The following AFF3 variants were observed in gnomAD, a reference collection of about 807,000 sequenced individuals.
AFF3 encodes AF4/FMR2 family member 3.
In AFF3, 32 loss-of-function variants were observed where a neutral mutation model predicts 129.7. The ratio of observed to expected loss-of-function variants is 0.25; its 90% CI spans 0.19 to 0.33. The LOEUF (loss-of-function observed/expected upper bound fraction) is 0.33, where lower values mean the gene tolerates loss of function less well. AFF3 is among the 10% of genes least tolerant of loss of function. AFF3 has a pLI of 1.00. For synonymous variants in AFF3, 644 were observed against 635.4 expected, an observed-to-expected ratio of 1.01 and a Z score of -0.20; for missense variants, 1,373 against 1,592.0, an observed-to-expected ratio of 0.86 and a Z score of 2.34.
intron 8 of AFF3, among the ~76,000 whole-genome samples, chr2:99,775,128 T>TATA (rs1457772027): frequency 6.6e-6 from 1 of 152,242 alleles, no homozygotes; most frequent in Non-Finnish European, 1.5e-5. Flanking sequence ...GGAATGCTTT[T>TATA]ATACTGTTGG....
intron 7 of AFF3, among the ~76,000 whole-genome samples, chr2:99,997,396 A>G (rs1034173191): frequency 6.6e-6 from 1 of 152,028 alleles, no homozygotes; most frequent in African/African-American, 2.4e-5. Context: ...CTGTCAGCCA[A>G]TCTTACTGGC....
At chr2:99,828,634 G>A (rs970441285) in intron 8 of AFF3, among the ~76,000 whole-genome samples, 1 of 152,224 alleles carries the variant, frequency 6.6e-6, no homozygotes. Flanking sequence ...AAGGCTTTTG[G>A]GGAGAAACAC....
chr2:100,002,484 C>G (rs1204473725), intron 7 of AFF3, among the ~76,000 whole-genome samples: 1 of 152,188 alleles, frequency 6.6e-6, no homozygotes, highest in East Asian at 1.9e-4. Context: ...ATCAATACAT[C>G]TTAGACTATT....
chr2:99,846,470 T>C (rs1558909777), intron 7 of AFF3, among the ~76,000 whole-genome samples: 2 of 152,212 alleles, frequency 1.3e-5, no homozygotes, highest in Non-Finnish European at 2.9e-5. Flanking sequence ...ATTTATATGA[T>C]CTAATATTCT....
intron 1 of AFF3, among the ~76,000 whole-genome samples, chr2:100,135,388 C>A (rs1692596161): frequency 6.6e-6 from 1 of 152,212 alleles, no homozygotes; most frequent in Non-Finnish European, 1.5e-5. Context: ...TTAGGAGCAA[C>A]TCTTAACTGC....
chr2:99,661,060 A>G (rs1415999840), intron 12 of AFF3, among the ~76,000 whole-genome samples: 1 of 152,230 alleles, frequency 6.6e-6, no homozygotes, highest in East Asian at 1.9e-4. Flanking sequence ...ACTATATGAC[A>G]CTGCCCATGC....
intron 7 of AFF3, among the ~76,000 whole-genome samples, chr2:99,875,709 G>T (rs1436920592): frequency 6.6e-6 from 1 of 152,150 alleles, no homozygotes. Flanking sequence ...ATAAATTAGA[G>T]AAAGTTTCTA....
At chr2:99,700,928 G>A (rs978390685) in intron 11 of AFF3, among the ~76,000 whole-genome samples, 2 of 152,310 alleles carry the variant, frequency 1.3e-5, no homozygotes, top group Admixed American at 6.5e-5. Flanking sequence ...AGCGTGAGAC[G>A]GTCACGTGTA....
intron 4 of AFF3, among the ~76,000 whole-genome samples, chr2:100,099,792 T>TA (rs1042011156): frequency 1.8e-4 from 28 of 151,958 alleles, no homozygotes; most frequent in African/African-American, 6.0e-4. Flanking sequence ...TGGGAAATTC[T>TA]AAAAAAAAGA....
intron 10 of AFF3, among the ~76,000 whole-genome samples, chr2:99,733,474 A>C (rs1440218612): frequency 6.6e-6 from 1 of 151,770 alleles, no homozygotes; most frequent in Non-Finnish European, 1.5e-5. Flanking sequence ...GATAATGTTA[A>C]GTTCTTAATT....
At chr2:99,961,044 A>G (rs1345958339) in intron 7 of AFF3, among the ~76,000 whole-genome samples, 2 of 152,208 alleles carry the variant, frequency 1.3e-5, no homozygotes, top group Non-Finnish European at 2.9e-5. Flanking sequence ...TGAGCCAGCC[A>G]GATACCCTTT....
intron 7 of AFF3, among the ~76,000 whole-genome samples, chr2:99,883,463 C>A (rs1393860650): frequency 2.0e-5 from 3 of 152,184 alleles, no homozygotes; most frequent in Non-Finnish European, 4.4e-5. Context: ...AGTCTCCCAG[C>A]TGAACTCAGA....
chr2:99,763,504 C>T (rs1682778822), intron 8 of AFF3, among the ~76,000 whole-genome samples: 1 of 152,286 alleles, frequency 6.6e-6, no homozygotes, highest in African/African-American at 2.4e-5. Context: ...ACTATGATTG[C>T]ACCACTGCAC....
intron 8 of AFF3, among the ~76,000 whole-genome samples, chr2:99,790,780 G>C (rs1228297107): frequency 6.6e-6 from 1 of 152,128 alleles, no homozygotes; most frequent in Non-Finnish European, 1.5e-5. Flanking sequence ...CTACAACTCT[G>C]ATAAATGTAC....
intron 8 of AFF3, among the ~76,000 whole-genome samples, chr2:99,815,060 G>A (rs1558876511): frequency 1.3e-5 from 2 of 151,890 alleles, no homozygotes; most frequent in African/African-American, 2.4e-5. Flanking sequence ...AGAGTGACTG[G>A]AGAACTTTTT....
intron 7 of AFF3, among the ~76,000 whole-genome samples, chr2:99,887,029 T>A (rs1311498655): frequency 6.6e-6 from 1 of 152,250 alleles, no homozygotes; most frequent in East Asian, 1.9e-4. Flanking sequence ...ATGAGAAGGC[T>A]GAACTAGCTC....
At chr2:99,988,668 C>A (rs969563494) in intron 7 of AFF3, among the ~76,000 whole-genome samples, 2 of 152,114 alleles carry the variant, frequency 1.3e-5, no homozygotes, top group African/African-American at 4.8e-5. Flanking sequence ...CTCGAGGGGG[C>A]TGATAAGCGT....
chr2:99,633,881 G>A (rs1018425569), intron 13 of AFF3, among the ~76,000 whole-genome samples: 1 of 150,260 alleles, frequency 6.7e-6, no homozygotes, highest in Non-Finnish European at 1.5e-5. Flanking sequence ...GCAGAACTGT[G>A]AGCCAAATAA....
In AFF3 at chr2:100,112,202, G is replaced by A. The variant is rs370291779; in HGVS notation, c.-144-6619C>T. Among the ~76,000 whole-genome samples the A allele has an allele frequency of 1.8e-4, 27 of 152,274 alleles. No homozygotes were observed. The East Asian group carries it at 3.1e-3, about 17-fold the overall frequency. On this transcript the variant is annotated intron_variant, in intron 2 of 24. Coordinates refer to ENST00000672756, the MANE Select transcript of AFF3 (RefSeq NM_001386135.1). ...GCTCAGTGGAATACCATACAGAGAG[G>A]GCGAGTCAGTCTCTTAAGAGGAGCA... is the stretch of plus-strand genomic sequence containing the variant.
Sources: allele counts gnomAD v4.1 joint callset (sites outside exome capture counted in the v4.1 genomes callset), GRCh38; gene constraint gnomAD v4.1.1; transcripts MANE v1.5; gene names NCBI Gene and HGNC (gene_info 2026-07-23, HGNC 2026-07-21).